Variants in WDR27 observed in about 807,000 individuals in gnomAD.
The protein encoded by WDR27 is WD repeat domain 27, also known as WD repeat-containing protein 27.
In WDR27, 100 loss-of-function variants were observed where a neutral mutation model predicts 114.4. The ratio of observed to expected loss-of-function variants is 0.87; its 90% CI spans 0.74 to 1.03. The LOEUF is 1.03. Among genes scored for constraint, WDR27 ranks in the 50% least tolerant of loss-of-function variants. The pLI is 0.00. For missense variants in WDR27, 1,129 were observed against 1,092.9 expected, an observed-to-expected ratio of 1.03 and a Z score of -0.47; for synonymous variants, 449 against 423.1, an observed-to-expected ratio of 1.06 and a Z score of -0.75.
chr6:169,607,413 C>G (rs1351323579), intron 22 of WDR27, among the ~76,000 whole-genome samples: 3 of 37,712 alleles, frequency 8.0e-5, no homozygotes, highest in Admixed American at 4.3e-4. Context: ...CACACACACA[C>G]ACACACACAC....
In WDR27 at chr6:169,512,516, C is replaced by T. The variant is rs117277519; in HGVS notation, c.2646-54882G>A. Among the ~76,000 whole-genome samples the T allele has an allele frequency of 1.4e-3, 207 of 152,272 alleles. 4 individuals are homozygous for T. In the East Asian group the frequency reaches 0.032, roughly 24 times the overall value. On this transcript the variant is annotated intron_variant, in intron 25 of 25. Transcript: ENST00000448612. ...TAATTTGTAATGTTAATTCATTTAG[C>T]TACTTTACTCTAGAGGAGTCTAAGA... is the stretch of plus-strand genomic sequence containing the variant.
chr6:169,509,344 A>G (rs1792442317), intron 25 of WDR27, among the ~76,000 whole-genome samples: 1 of 152,190 alleles, frequency 6.6e-6, no homozygotes, highest in African/African-American at 2.4e-5. Flanking sequence ...CCAAAAGAAC[A>G]AAGCTGAAGG....
chr6:169,574,359 C>T (rs894364231), intron 24 of WDR27, among the ~76,000 whole-genome samples: 13 of 152,204 alleles, frequency 8.5e-5, no homozygotes, highest in Admixed American at 2.0e-4. Flanking sequence ...TTTTTTTAAG[C>T]GTATCTAGAA....
At chr6:169,530,923 C>T (rs1795513345) in intron 25 of WDR27, among the ~76,000 whole-genome samples, 1 of 152,210 alleles carries the variant, frequency 6.6e-6, no homozygotes, top group Non-Finnish European at 1.5e-5. Flanking sequence ...CCACATCCTT[C>T]CTCATGTTAA....
At chr6:169,519,773 A>T (rs1257451471) in intron 25 of WDR27, among the ~76,000 whole-genome samples, 3 of 152,202 alleles carry the variant, frequency 2.0e-5, no homozygotes, top group Admixed American at 6.5e-5. Context: ...AACATCTCAG[A>T]ACTCAAATAT....
At chr6:169,622,551 A>G (rs1416502242) in intron 21 of WDR27, among the ~76,000 whole-genome samples, 1 of 152,266 alleles carries the variant, frequency 6.6e-6, no homozygotes, top group African/African-American at 2.4e-5. Flanking sequence ...ATAGAAAAAA[A>G]CAGAACCACT....
At chr6:169,428,016 T>C in the WDR27 span, among the ~76,000 whole-genome samples, 5 of 152,240 alleles carry the variant, frequency 3.3e-5, no homozygotes, top group Middle Eastern at 3.4e-3. Flanking sequence ...GAAAGCGGCG[T>C]CGACATTTTC....
At chr6:169,570,689 C>A (rs1011582733) in intron 25 of WDR27, among the ~76,000 whole-genome samples, 1 of 152,078 alleles carries the variant, frequency 6.6e-6, no homozygotes, top group South Asian at 2.1e-4. Flanking sequence ...ATTAGCCAGG[C>A]GTGGTGGCGG....
At chr6:169,620,443 T>C (rs1274603511) in intron 21 of WDR27, among the ~76,000 whole-genome samples, 2 of 152,216 alleles carry the variant, frequency 1.3e-5, no homozygotes, top group Non-Finnish European at 2.9e-5. Flanking sequence ...CGTATCTCAT[T>C]GCTTCCTCTC....
chr6:169,482,104 C>G (rs1788239704), intron 25 of WDR27, among the ~76,000 whole-genome samples: 1 of 152,222 alleles, frequency 6.6e-6, no homozygotes, highest in East Asian at 1.9e-4. Context: ...CAGCTTGACC[C>G]ATGTCCCTGC....
At position 169,667,321 on chromosome 6, in the gene WDR27, G is replaced by C. The variant is rs571831303; in HGVS notation, c.661-134C>G. On this transcript the variant is annotated intron_variant, in intron 5 of 25. Transcript: ENST00000448612. Reference sequence around the variant, plus strand: ...TCTAAAACAGAAAACAATAAAATGAGCACAAAAATAATAAAAATGTAGTAA... The same window carrying C: ...TCTAAAACAGAAAACAATAAAATGACCACAAAAATAATAAAAATGTAGTAA... 8 of 1,239,942 alleles carry C rather than the reference G, an allele frequency of 6.5e-6. No individual in the cohort carries two copies. The African/African-American group carries it at 1.1e-4, about 17-fold the overall frequency. The allele number at this position is 1,239,942 out of a possible 1,614,324, so 76.8% of individuals were successfully genotyped here. A position where few individuals can be genotyped will look rare whatever the true frequency, so the allele number is the denominator to read the frequency against.
chr6:169,677,661 G>A (rs1780408170), intron 2 of WDR27, among the ~76,000 whole-genome samples: 1 of 152,244 alleles, frequency 6.6e-6, no homozygotes. Flanking sequence ...CAAGGCAATG[G>A]GAAAGGCCTC....
intron 24 of WDR27, among the ~76,000 whole-genome samples, chr6:169,576,842 C>A (rs9295007): frequency 0.47 from 71,443 of 151,132 alleles, 20,165 homozygotes; most frequent in Non-Finnish European, 0.65. Context: ...CTGGAACTCA[C>A]GGATCTTTCA....
At chr6:169,674,325 C>T (rs1287644686) in intron 2 of WDR27, among the ~76,000 whole-genome samples, 1 of 152,132 alleles carries the variant, frequency 6.6e-6, no homozygotes, top group East Asian at 1.9e-4. Context: ...CAAGAACATT[C>T]AAACCATTAT....
In WDR27 at chr6:169,643,803, A is replaced by G; in HGVS notation, c.1658-17T>C. The G allele has an allele frequency of 6.2e-7, 1 of 1,601,662 alleles. No individual in the cohort carries two copies. The highest frequency in any genetic ancestry group is 8.5e-7 in the Non-Finnish European group (1 of 1,172,022). On this transcript the variant is annotated splice_polypyrimidine_tract_variant and intron_variant, in intron 16 of 25. Transcript: ENST00000448612. ...GCCCATCTCCTGTTAAAAGAATTTT[A>G]AAAAAAGACTTCTTAGAAAAGCCTA...
chr6:169,623,921 C>G (rs1326481650), intron 21 of WDR27, among the ~76,000 whole-genome samples: 4 of 152,092 alleles, frequency 2.6e-5, no homozygotes, highest in African/African-American at 9.7e-5. Context: ...ACAGCCTGAG[C>G]AAAAAGAAGG....
rs1054839312 is a variant in WDR27 at position 169,659,585 on chromosome 6, T to TGCCCAGAGCCCACCACACACA, written c.1130-88_1130-68dup. On this transcript the variant is annotated intron_variant, in intron 10 of 25. Transcript: ENST00000448612. The surrounding 1 kb of genome is among the most constrained non-coding windows in gnomAD (Gnocchi z 4.3). ...AGGTAGCACATACACACGGAGTCAC[T>TGCCCAGAGCCCACCACACACA]GCCCAGAGCCCACCACACACAGCCC... 5.4e-6 allele frequency: 8 copies of TGCCCAGAGCCCACCACACACA among 1,474,704 alleles called. No homozygotes were observed. Among genetic ancestry groups the TGCCCAGAGCCCACCACACACA allele is most frequent in the African/African-American group, 4.2e-5 (3 of 71,550 alleles). The allele number at this position is 1,474,704 out of a possible 1,614,324, so 91.4% of individuals were successfully genotyped here. A position where few individuals can be genotyped will look rare whatever the true frequency, so the allele number is the denominator to read the frequency against.
chr6:169,570,287 A>G (rs1271438579), intron 25 of WDR27, among the ~76,000 whole-genome samples: 1 of 152,194 alleles, frequency 6.6e-6, no homozygotes, highest in Non-Finnish European at 1.5e-5. Flanking sequence ...CACAAGGACT[A>G]AAACAGAAAT....
At chr6:169,666,587 G>A in intron 6 of WDR27, 1 of 985,548 alleles carries the variant, frequency 1.0e-6, no homozygotes, top group Non-Finnish European at 1.2e-6. Flanking sequence ...CGCTCCTTAT[G>A]CCGTGCTCCG....
Sources: gnomAD v4.1 joint callset for allele counts (sites outside exome capture counted in the v4.1 genomes callset) on GRCh38, gnomAD v4.1.1 for gene constraint, Gnocchi (gnomAD v3.1) non-coding constraint, MANE v1.5 for transcripts, NCBI Gene and HGNC (gene_info 2026-07-23, HGNC 2026-07-21) for gene names.